PPP1R21: variants seen among roughly 807,000 people sequenced by gnomAD.
The protein encoded by PPP1R21 is protein phosphatase 1 regulatory subunit 21.
Under a neutral mutation model 112.8 loss-of-function variants are expected in PPP1R21, and 85 were observed. The ratio of observed to expected loss-of-function variants is 0.75; its 90% CI spans 0.63 to 0.90. PPP1R21 has a LOEUF of 0.90. PPP1R21 is among the 40% of genes least tolerant of loss of function. PPP1R21 has a pLI of 0.00. For missense variants in PPP1R21, 1,199 were observed against 901.5 expected (o/e 1.33, Z -4.23); for synonymous variants, 381 against 322.3 (o/e 1.18, Z -1.95).
At chr2:48,460,243 C>A in intron 6 of PPP1R21, 90 bp downstream of exon 6, 1 of 1,290,050 alleles carries the variant, frequency 7.8e-7, no homozygotes, top group African/African-American at 1.5e-5. Context: ...TTTTAATTGT[C>A]TTACATTTAA....
intron 12 of PPP1R21, 86 bp from the exon 13 acceptor site, chr2:48,479,838 A>G (rs1668926406): frequency 2.3e-6 from 2 of 851,294 alleles, no homozygotes; most frequent in Middle Eastern, 2.2e-4. Context: ...ACCAATCTTC[A>G]TTCTCTATCT....
At chr2:48,486,034 C>G (rs1014770733) in intron 13 of PPP1R21, among the ~76,000 whole-genome samples, 12 of 149,208 alleles carry the variant, frequency 8.0e-5, no homozygotes, top group Admixed American at 1.3e-4. Context: ...ATATGTATAC[C>G]TCTTCTATGC....
At chr2:48,500,951 G>A (rs1176421922) in intron 17 of PPP1R21, among the ~76,000 whole-genome samples, 1 of 152,006 alleles carries the variant, frequency 6.6e-6, no homozygotes, top group African/African-American at 2.4e-5. Flanking sequence ...TACCTTCCTA[G>A]TTTGTTGACC....
At chr2:48,443,235 C>G (rs146146976) in intron 1 of PPP1R21, among the ~76,000 whole-genome samples, 50 of 152,192 alleles carry the variant, frequency 3.3e-4, no homozygotes, top group African/African-American at 1.1e-3. Context: ...CCCTGCAGTT[C>G]TGAGGTGAGG....
At chr2:48,472,866 A>G (rs944077566) in intron 11 of PPP1R21, among the ~76,000 whole-genome samples, 1 of 151,466 alleles carries the variant, frequency 6.6e-6, no homozygotes, top group African/African-American at 2.4e-5. Flanking sequence ...TGGAAGAATC[A>G]CTTGAGCCCA....
chr2:48,487,566 C>A (rs1669361926), intron 14 of PPP1R21, among the ~76,000 whole-genome samples: 1 of 151,560 alleles, frequency 6.6e-6, no homozygotes, highest in Non-Finnish European at 1.5e-5. Flanking sequence ...AGTTCAAGAC[C>A]AGCCTCAGCA....
Position 48,451,061 on chromosome 2 carries a change from T to C in PPP1R21, c.111T>C (p.Asn37=). 1 of 1,613,572 alleles carries C rather than the reference T, an allele frequency of 6.2e-7. No individual in the cohort carries two copies. Among genetic ancestry groups the C allele is most frequent in the Middle Eastern group, 1.6e-4 (1 of 6,062 alleles). Residue 37 remains asparagine, a synonymous_variant, in exon 2 of 22, where the codon AAT becomes AAC. Coordinates refer to ENST00000294952, the MANE Select transcript of PPP1R21 (RefSeq NM_001135629.3). The part of the protein sequence containing the change: ...LKKGVVDEQA[N]SAALKEQLKM... ...AAGGTGTTGTGGATGAACAAGCAAA[T>C]TCTGCAGCTTTAAAGGTGGGCAACA...
At position 48,515,246 on chromosome 2, in the gene PPP1R21, C is replaced by CTCTCTCTCTCTCTCTT. The variant is rs754737154; in HGVS notation, c.*503_*504insCTCTCTCTCTCTCTTT. The CTCTCTCTCTCTCTCTT allele has an allele frequency of 1.4e-5, 2 of 145,484 alleles. No individual in the cohort carries two copies. Among genetic ancestry groups the CTCTCTCTCTCTCTCTT allele is most frequent in the Non-Finnish European group, 3.0e-5 (2 of 66,150 alleles). 9.0% of individuals were successfully genotyped at this position (145,484 alleles called of 1,614,324 possible). A position where few individuals can be genotyped will look rare whatever the true frequency, so the allele number is the denominator to read the frequency against. ...TCTCTCTCTCTCTCTCTCTCTCTCTCTTCTTTCTCTCTGAGGGAGAGGGAG... is the reference window on the plus strand; with the variant it reads ...TCTCTCTCTCTCTCTCTCTCTCTCTCTCTCTCTCTCTCTCTTTTCTTTCTCTCTGAGGGAGAGGGAG... On this transcript the variant is annotated 3_prime_UTR_variant, in exon 22 of 22. Transcript: ENST00000294952.
intron 9 of PPP1R21, among the ~76,000 whole-genome samples, chr2:48,469,405 T>G (rs190998478): frequency 1.7e-5 from 1 of 59,752 alleles, no homozygotes; most frequent in Non-Finnish European, 4.2e-5. Flanking sequence ...CATATATATA[T>G]AGAGAGAGAG....
intron 12 of PPP1R21, chr2:48,479,413 CAT>C (rs1668903559): frequency 2.2e-6 from 1 of 456,392 alleles, no homozygotes; most frequent in Non-Finnish European, 4.5e-6. Context: ...TTGAGTAAAT[CAT>C]GTGCTGTGTT....
At chr2:48,507,821 A>C (rs1256277171) in intron 19 of PPP1R21, among the ~76,000 whole-genome samples, 1 of 114,726 alleles carries the variant, frequency 8.7e-6, no homozygotes, top group African/African-American at 3.4e-5. Context: ...GCTACAGTGC[A>C]GTGGCACGGT....
chr2:48,440,794 C>G lies in PPP1R21; in HGVS notation c.-160C>G, dbSNP rs1222119325. On this transcript the variant is annotated 5_prime_UTR_variant, in exon 1 of 22. Coordinates refer to ENST00000294952, the MANE Select transcript of PPP1R21 (RefSeq NM_001135629.3). Reference sequence around the variant, plus strand: ...CCACCTTCCTCCCACCCCGGGAACCCGGAAGTGGAGGAGGAGGCGCGGCGG... The same window carrying G: ...CCACCTTCCTCCCACCCCGGGAACCGGGAAGTGGAGGAGGAGGCGCGGCGG... 1 of 634,076 alleles carries G rather than the reference C, an allele frequency of 1.6e-6. No homozygotes were observed. The highest frequency in any genetic ancestry group is 2.8e-6 in the Non-Finnish European group (1 of 355,674). The allele number at this position is 634,076 out of a possible 1,614,324, so 39.3% of individuals were successfully genotyped here.
intron 1 of PPP1R21, among the ~76,000 whole-genome samples, chr2:48,447,811 G>A (rs1035965081): frequency 2.2e-4 from 33 of 152,082 alleles, no homozygotes; most frequent in Admixed American, 8.5e-4. Flanking sequence ...TTAGCCGGGC[G>A]TGGTGGCACG....
Position 48,478,367 on chromosome 2 carries a change from T to G in PPP1R21, c.1226-1557T>G, listed in dbSNP as rs1668849704. Among the ~76,000 whole-genome samples the G allele has an allele frequency of 5.9e-5, 9 of 152,228 alleles. No individual in the cohort carries two copies. In the South Asian group the frequency reaches 1.9e-3, roughly 31 times the overall value. ...CCATTTATGTAGCTCTTTAATTTCT[T>G]TAAACACATCTTCTAGTTTTTAGCA... On this transcript the variant is annotated intron_variant, in intron 12 of 21. Transcript: ENST00000294952.
intron 11 of PPP1R21, among the ~76,000 whole-genome samples, chr2:48,473,031 T>A (rs1260297514): frequency 6.7e-6 from 1 of 149,030 alleles, no homozygotes; most frequent in Non-Finnish European, 1.5e-5. Context: ...AAAGAATATA[T>A]AAGTAATTAT....
chr2:48,451,100 G>A (rs1195749365), intron 2 of PPP1R21, 24 bp downstream of exon 2: 1 of 1,598,158 alleles, frequency 6.3e-7, no homozygotes, highest in South Asian at 1.1e-5. Context: ...TATTTGTGTT[G>A]TGAGGGTTAA....
rs1221559524 is a variant in PPP1R21 at position 48,486,770 on chromosome 2, C to T, written c.1446+12C>T. 1.2e-6 allele frequency: 2 copies of T among 1,610,714 alleles called. No homozygotes were observed. Among genetic ancestry groups the T allele is most frequent in the Non-Finnish European group, 8.5e-7 (1 of 1,178,716 alleles). On this transcript the variant is annotated intron_variant, in intron 14 of 21. Transcript: ENST00000294952. ...ATGGAGCAGGAAAGGTAATTCTCTTCTGGCGTATATTGATGTTAAAACTCT... is the reference window on the plus strand; with the variant it reads ...ATGGAGCAGGAAAGGTAATTCTCTTTTGGCGTATATTGATGTTAAAACTCT...
At chr2:48,448,731 A>G (rs1667354206) in intron 1 of PPP1R21, among the ~76,000 whole-genome samples, 2 of 152,246 alleles carry the variant, frequency 1.3e-5, no homozygotes, top group African/African-American at 4.8e-5. Context: ...TTGCTTAAAA[A>G]GTAGAACACT....
At chr2:48,462,453 C>G (rs1668017582) in intron 7 of PPP1R21, among the ~76,000 whole-genome samples, 1 of 152,162 alleles carries the variant, frequency 6.6e-6, no homozygotes, top group Non-Finnish European at 1.5e-5. Context: ...TGTGGGGAAG[C>G]CTTCCCAGAA....
Sources: allele counts gnomAD v4.1 joint callset (sites outside exome capture counted in the v4.1 genomes callset), GRCh38; gene constraint gnomAD v4.1.1; transcripts MANE v1.5; gene names NCBI Gene and HGNC (gene_info 2026-07-23, HGNC 2026-07-21).